Variants in PEAK1 observed in about 807,000 individuals in gnomAD.
PEAK1 encodes the protein inactive tyrosine-protein kinase PEAK1.
PEAK1 carries 54 observed loss-of-function variants against 124.7 expected under a neutral mutation model. The observed-to-expected ratio is 0.43, with a 90% CI of 0.35 to 0.54. The LOEUF (loss-of-function observed/expected upper bound fraction) is 0.54, where lower values mean the gene tolerates loss of function less well. Among genes scored for constraint, PEAK1 ranks in the 20% least tolerant of loss-of-function variants. The pLI is 0.01. For missense variants in PEAK1, 2,046 were observed against 2,134.5 expected, an observed-to-expected ratio of 0.96 and a Z score of 0.82; for synonymous variants, 719 against 760.0, an observed-to-expected ratio of 0.95 and a Z score of 0.89.
intron 1 of PEAK1, among the ~76,000 whole-genome samples, chr15:77,379,420 A>C (rs976286725): frequency 6.6e-6 from 1 of 152,168 alleles, no homozygotes. Flanking sequence ...AATATATACA[A>C]ATCCTAAGTT....
intron 6 of PEAK1, among the ~76,000 whole-genome samples, chr15:77,220,321 G>C (rs1567130670): frequency 6.6e-6 from 1 of 151,828 alleles, no homozygotes; most frequent in Admixed American, 6.6e-5. Context: ...GAAGCTTCAA[G>C]GCATTTCAGA....
intron 7 of PEAK1, among the ~76,000 whole-genome samples, chr15:77,161,742 T>G (rs1163286555): frequency 6.6e-6 from 1 of 151,478 alleles, no homozygotes; most frequent in Non-Finnish European, 1.5e-5. Context: ...GGAGGCCAAG[T>G]GGATCACAAG....
rs189075462 is a variant in PEAK1, at chr15:77,392,899, G to A, written c.-666+27107C>T. 3.9e-5 allele frequency among the ~76,000 whole-genome samples: 6 copies of A among 152,256 alleles called. No individual in the cohort carries two copies. The East Asian group carries it at 1.2e-3, about 29-fold the overall frequency. Reference sequence around the variant, plus strand: ...GTAGGAAAGACAGTGTTCAATTGCCGACACCATCCCCTCCTCCCTCCCCCA... The same window carrying A: ...GTAGGAAAGACAGTGTTCAATTGCCAACACCATCCCCTCCTCCCTCCCCCA... On this transcript the variant is annotated intron_variant, in intron 1 of 9. Transcript: ENST00000682557.
chr15:77,330,494 T>A (rs1362638290), intron 2 of PEAK1, among the ~76,000 whole-genome samples: 1 of 152,024 alleles, frequency 6.6e-6, no homozygotes, highest in African/African-American at 2.4e-5. Context: ...TTACAAAAGG[T>A]CCTACAAGGT....
At chr15:77,260,872 C>A (rs948609395) in intron 5 of PEAK1, among the ~76,000 whole-genome samples, 2 of 152,204 alleles carry the variant, frequency 1.3e-5, no homozygotes, top group Non-Finnish European at 2.9e-5. Flanking sequence ...AGGCACCCCC[C>A]AGTAGAGGCA....
chr15:77,214,778 G>C (rs1320964576), intron 6 of PEAK1, among the ~76,000 whole-genome samples: 2 of 152,086 alleles, frequency 1.3e-5, no homozygotes, highest in South Asian at 2.1e-4. Flanking sequence ...GCAGGAGAGA[G>C]AGAAGTGAAG....
chr15:77,196,793 T>C (rs2058125698), intron 6 of PEAK1, among the ~76,000 whole-genome samples: 1 of 152,178 alleles, frequency 6.6e-6, no homozygotes. Flanking sequence ...GATTTTTTGG[T>C]ATACTTTAAA....
At chr15:77,226,058 T>A (rs556363114) in intron 6 of PEAK1, among the ~76,000 whole-genome samples, 1 of 64,878 alleles carries the variant, frequency 1.5e-5, no homozygotes, top group Non-Finnish European at 4.1e-5. Context: ...TATATATATA[T>A]ATATATATAT....
rs142395673 is a variant in PEAK1 at position 77,293,359 on chromosome 15, T to C, written c.-602-6855A>G. 4.3e-4 allele frequency among the ~76,000 whole-genome samples: 65 copies of C among 152,374 alleles called. 1 individual carries two copies. In the East Asian group the frequency reaches 0.012, roughly 28 times the overall value. Reference sequence around the variant, plus strand: ...TTTGATATATATGTCCATTCATGATTTGGCACCAAGCCATCTTTTTAGAAT... The same window carrying C: ...TTTGATATATATGTCCATTCATGATCTGGCACCAAGCCATCTTTTTAGAAT... On this transcript the variant is annotated intron_variant, in intron 2 of 9. Coordinates refer to ENST00000682557, the MANE Select transcript of PEAK1 (RefSeq NM_001385026.1).
intron 6 of PEAK1, among the ~76,000 whole-genome samples, chr15:77,203,016 G>A (rs1340625803): frequency 2.2e-4 from 33 of 147,896 alleles, no homozygotes; most frequent in Admixed American, 6.1e-4. Context: ...CAGCCTGGGC[G>A]ACAGAGCCAG....
intron 8 of PEAK1, among the ~76,000 whole-genome samples, chr15:77,154,585 G>A (rs2054954829): frequency 6.6e-6 from 1 of 152,308 alleles, no homozygotes; most frequent in South Asian, 2.1e-4. Context: ...TAGCCTTGAT[G>A]GTCTTTACAT....
chr15:77,367,057 C>T (rs2068294784), intron 1 of PEAK1, among the ~76,000 whole-genome samples: 2 of 152,088 alleles, frequency 1.3e-5, no homozygotes, highest in South Asian at 2.1e-4. Context: ...TCGCTTCAAC[C>T]CGGGAGGCAG....
intron 6 of PEAK1, among the ~76,000 whole-genome samples, chr15:77,188,592 T>C (rs998583808): frequency 6.6e-6 from 1 of 152,178 alleles, no homozygotes; most frequent in Non-Finnish European, 1.5e-5. Flanking sequence ...TAGTCTTTTA[T>C]AGTTTTATTT....
chr15:77,199,476 T>C (rs1328956028), intron 6 of PEAK1, among the ~76,000 whole-genome samples: 3 of 152,178 alleles, frequency 2.0e-5, no homozygotes, highest in South Asian at 2.1e-4. Context: ...GAGAACACCA[T>C]GAAAGCCTGG....
At position 77,180,976 on chromosome 15, in the gene PEAK1, C is replaced by A. The variant is rs2057230083; in HGVS notation, c.951G>T (p.Leu317=). 6.2e-7 allele frequency: 1 copy of A among 1,614,050 alleles called. No individual in the cohort carries two copies. The highest frequency in any genetic ancestry group is 1.3e-5 in the African/African-American group (1 of 74,926). ...CCACAGAATTTTCCTCATAACCATT[C>A]AGGATTTCATCATAGCTGTCATCAT... The part of the protein sequence containing the change: ...VDYDDSYDEI[L]NGYEENSVVS... Residue 317 remains leucine (L), a synonymous_variant, in exon 7 of 10, where the codon CTG becomes CTT. Coordinates refer to ENST00000682557, the MANE Select transcript of PEAK1 (RefSeq NM_001385026.1).
At chr15:77,401,466 A>C in intron 1 of PEAK1, 1 of 923,240 alleles carries the variant, frequency 1.1e-6, no homozygotes, top group Non-Finnish European at 1.3e-6. Flanking sequence ...ACACCATGAC[A>C]GTCAATCTGC....
At chr15:77,419,481 G>T in intron 1 of PEAK1, 1 of 985,214 alleles carries the variant, frequency 1.0e-6, no homozygotes, top group Non-Finnish European at 1.2e-6. Context: ...GCGGCGCGAA[G>T]GGAGCAGGCA....
Position 77,181,258 on chromosome 15 carries a change from G to A in PEAK1, c.669C>T (p.Gly223=). 9.3e-6 allele frequency: 15 copies of A among 1,613,706 alleles called. No homozygotes were observed. The highest frequency in any genetic ancestry group is 1.3e-5 in the African/African-American group (1 of 74,992). Residue 223 remains glycine, a synonymous_variant, in exon 7 of 10, where the codon GGC becomes GGT. Transcript: ENST00000682557. The part of the protein sequence containing the change: ...GSTEVISNEG[G]RFCYPEFSSG... ...TGGAAAACTCTGGGTAACAGAACCG[G>A]CCCCCTTCATTACTAATCACTTCTG...
At chr15:77,190,795 C>G (rs1440091081) in intron 6 of PEAK1, among the ~76,000 whole-genome samples, 1 of 152,182 alleles carries the variant, frequency 6.6e-6, no homozygotes, top group East Asian at 1.9e-4. Context: ...CATAAGAAGA[C>G]AGCCAATGGT....
Sources: gnomAD v4.1 joint callset for allele counts (sites outside exome capture counted in the v4.1 genomes callset) on GRCh38, gnomAD v4.1.1 for gene constraint, MANE v1.5 for transcripts, NCBI Gene and HGNC (gene_info 2026-07-23, HGNC 2026-07-21) for gene names.